ARHGAP22: variants seen among roughly 807,000 people sequenced by gnomAD.
The protein encoded by ARHGAP22 is Rho GTPase activating protein 22.
ARHGAP22 carries 48 observed loss-of-function variants against 59.1 expected under a neutral mutation model. That is an observed-to-expected ratio of 0.81 (90% CI 0.64 to 1.03). ARHGAP22 has a LOEUF of 1.03. Ranked by LOEUF, ARHGAP22 falls within the 50% of genes least tolerant of loss-of-function variation. ARHGAP22 has a pLI of 0.00. For missense variants in ARHGAP22, 1,015 were observed against 958.7 expected (o/e 1.06, Z -0.78); for synonymous variants, 445 against 416.4 (o/e 1.07, Z -0.84).
intron 2 of ARHGAP22, among the ~76,000 whole-genome samples, chr10:48,577,800 GGT>G (rs2058825299): frequency 4.8e-5 from 2 of 41,954 alleles, no homozygotes; most frequent in African/African-American, 2.5e-4. Flanking sequence ...GCTCTTTTTT[GGT>G]TTTTTTTTTT....
At chr10:48,495,473 G>C (rs944578178) in intron 3 of ARHGAP22, among the ~76,000 whole-genome samples, 1 of 152,124 alleles carries the variant, frequency 6.6e-6, no homozygotes. Context: ...AACTGCCCCC[G>C]GTCACCCAAG....
At chr10:48,432,893 A>C in the ARHGAP22 span, among the ~76,000 whole-genome samples, 2 of 152,238 alleles carry the variant, frequency 1.3e-5, no homozygotes, top group Non-Finnish European at 2.9e-5. Flanking sequence ...TTAAGCTGTT[A>C]TAAAAATATT....
chr10:48,484,154 A>G (rs1369020178), intron 3 of ARHGAP22, among the ~76,000 whole-genome samples: 1 of 152,130 alleles, frequency 6.6e-6, no homozygotes, highest in Non-Finnish European at 1.5e-5. Flanking sequence ...TCCCCAGTGT[A>G]TGTTCTTGGC....
chr10:48,472,018 C>G (rs899358543), intron 4 of ARHGAP22, among the ~76,000 whole-genome samples: 1 of 151,338 alleles, frequency 6.6e-6, no homozygotes, highest in African/African-American at 2.4e-5. Context: ...ACCAGCCTGG[C>G]CAAGATGGTG....
chr10:48,617,004 A>C (rs867488718), intron 1 of ARHGAP22, among the ~76,000 whole-genome samples: 1 of 152,106 alleles, frequency 6.6e-6, no homozygotes, highest in East Asian at 1.9e-4. Flanking sequence ...AACAATTATA[A>C]ATCTGCATTA....
chr10:48,484,933 GT>G (rs2049704420), intron 3 of ARHGAP22, among the ~76,000 whole-genome samples: 1 of 151,978 alleles, frequency 6.6e-6, no homozygotes, highest in African/African-American at 2.4e-5. Context: ...TGACTTTTTT[GT>G]TTTTGTGGTT....
chr10:48,443,187 G>C (rs2045242480), downstream of ARHGAP22, among the ~76,000 whole-genome samples: 1 of 152,052 alleles, frequency 6.6e-6, no homozygotes, highest in Non-Finnish European at 1.5e-5. Context: ...CTGTCATTTG[G>C]GTCATTCGCA....
chr10:48,605,244 A>G (rs538649499), upstream of ARHGAP22: 1 of 809,964 alleles, frequency 1.2e-6, no homozygotes, highest in African/African-American at 1.9e-5. Context: ...TGAGGCTGGA[A>G]GAAATGCGCC....
At chr10:48,628,330 T>G (rs150578259) in intron 1 of ARHGAP22, among the ~76,000 whole-genome samples, 209 of 152,358 alleles carry the variant, frequency 1.4e-3, no homozygotes, top group Non-Finnish European at 2.5e-3. Flanking sequence ...CCCCAGTATC[T>G]TGATTCACAC....
intron 1 of ARHGAP22, among the ~76,000 whole-genome samples, chr10:48,584,193 C>T (rs1251514595): frequency 6.6e-6 from 1 of 152,214 alleles, no homozygotes; most frequent in African/African-American, 2.4e-5. Context: ...TTGGAAAGCA[C>T]AGTGCCTGTG....
chr10:48,444,734 T>A (rs1197927902), downstream of ARHGAP22: 1 of 152,252 alleles, frequency 6.6e-6, no homozygotes, highest in Non-Finnish European at 1.5e-5. Context: ...CAGGACGCAC[T>A]GCTGTTCCCA....
chr10:48,600,078 T>G (rs1442877725), intron 1 of ARHGAP22, among the ~76,000 whole-genome samples: 2 of 152,224 alleles, frequency 1.3e-5, no homozygotes, highest in Non-Finnish European at 2.9e-5. Context: ...TATATTATTC[T>G]GCCTCTGTTT....
chr10:48,606,220 A>G (rs1209616755), upstream of ARHGAP22, among the ~76,000 whole-genome samples: 1 of 152,080 alleles, frequency 6.6e-6, no homozygotes, highest in Non-Finnish European at 1.5e-5. Flanking sequence ...ACAGATCCCC[A>G]AGTGTCCTAT....
chr10:48,431,427 A>G, the ARHGAP22 span, among the ~76,000 whole-genome samples: 1 of 152,250 alleles, frequency 6.6e-6, no homozygotes, highest in Non-Finnish European at 1.5e-5. Context: ...TTCTACTAAT[A>G]CATTATACTA....
chr10:48,511,765 T>C (rs942055008), intron 3 of ARHGAP22, among the ~76,000 whole-genome samples: 5 of 152,110 alleles, frequency 3.3e-5, no homozygotes, highest in African/African-American at 1.2e-4. Flanking sequence ...ACTGAACAAA[T>C]CCCAGGGTGG....
intron 3 of ARHGAP22, among the ~76,000 whole-genome samples, chr10:48,488,148 A>G (rs2050032002): frequency 6.6e-6 from 1 of 152,256 alleles, no homozygotes; most frequent in Non-Finnish European, 1.5e-5. Flanking sequence ...TTTTCATGTT[A>G]GTGTGTCTAA....
intron 3 of ARHGAP22, among the ~76,000 whole-genome samples, chr10:48,483,577 T>G (rs941848720): frequency 2.0e-5 from 3 of 152,082 alleles, no homozygotes; most frequent in Non-Finnish European, 4.4e-5. Context: ...TCTATTTTTT[T>G]TGTGTTTTTT....
rs938579783 is a variant in ARHGAP22 at position 48,524,442 on chromosome 10, G to T, written c.322+31021C>A. ...GCCCGTTACTCTCCCGGGGTGCCGG[G>T]CCGCGCGCTCTCCCAGGAGCCGCCA... On this transcript the variant is annotated intron_variant, in intron 3 of 9. Transcript: ENST00000249601. Among the ~76,000 whole-genome samples the T allele has an allele frequency of 3.3e-4, 50 of 151,976 alleles. 1 individual carries two copies. The highest frequency in any genetic ancestry group is 1.1e-3 in the African/African-American group (46 of 41,486).
intron 3 of ARHGAP22, among the ~76,000 whole-genome samples, chr10:48,508,861 T>C (rs2052442026): frequency 6.6e-6 from 1 of 152,166 alleles, no homozygotes; most frequent in South Asian, 2.1e-4. Flanking sequence ...ACAAAATGCA[T>C]TGCTAACTAA....
Sources: gnomAD v4.1 joint callset for allele counts (sites outside exome capture counted in the v4.1 genomes callset) on GRCh38, gnomAD v4.1.1 for gene constraint, MANE v1.5 for transcripts, NCBI Gene and HGNC (gene_info 2026-07-23, HGNC 2026-07-21) for gene names.